The following FILIP1L variants were observed in gnomAD, a reference collection of about 807,000 sequenced individuals.
FILIP1L encodes filamin A-interacting protein 1-like.
FILIP1L carries 55 observed loss-of-function variants against 96.6 expected under a neutral mutation model. That is an observed-to-expected ratio of 0.57 (90% CI 0.46 to 0.71). The LOEUF is 0.71. Among genes scored for constraint, FILIP1L ranks in the 30% least tolerant of loss-of-function variants. The pLI, the probability that FILIP1L is intolerant of heterozygous loss-of-function variation, is 0.00. For synonymous variants in FILIP1L, 467 were observed against 473.9 expected (o/e 0.99, Z 0.19); for missense variants, 1,304 against 1,321.2 (o/e 0.99, Z 0.20).
chr3:100,042,880 A>C (rs746011820), intron 1 of FILIP1L, among the ~76,000 whole-genome samples: 1 of 152,240 alleles, frequency 6.6e-6, no homozygotes, highest in Non-Finnish European at 1.5e-5. Flanking sequence ...AATAGAGCCA[A>C]AGTTCCCAGA....
intron 4 of FILIP1L, among the ~76,000 whole-genome samples, chr3:99,888,516 C>G (rs772353074): frequency 6.6e-6 from 1 of 152,144 alleles, no homozygotes; most frequent in Admixed American, 6.5e-5. Context: ...AAAACAAAAG[C>G]ACCCCTGAAT....
chr3:100,020,718 AACTT>A (rs1037690624), intron 1 of FILIP1L, among the ~76,000 whole-genome samples: 20 of 151,396 alleles, frequency 1.3e-4, no homozygotes, highest in African/African-American at 4.9e-4. Flanking sequence ...TGTTACTATT[AACTT>A]ACTAAGAACT....
At chr3:100,087,998 T>G (rs1376598641) in intron 1 of FILIP1L, among the ~76,000 whole-genome samples, 1 of 151,978 alleles carries the variant, frequency 6.6e-6, no homozygotes, top group African/African-American at 2.4e-5. Context: ...GCCTGGCTAA[T>G]TTTTATATTT....
intron 1 of FILIP1L, among the ~76,000 whole-genome samples, chr3:99,980,113 G>A (rs565326642): frequency 6.6e-6 from 1 of 152,254 alleles, no homozygotes; most frequent in South Asian, 2.1e-4. Context: ...AATTCAGGCA[G>A]TACAGTACGG....
At chr3:100,052,370 G>A (rs1394739360) in intron 1 of FILIP1L, among the ~76,000 whole-genome samples, 4 of 152,178 alleles carry the variant, frequency 2.6e-5, no homozygotes, top group Non-Finnish European at 4.4e-5. Context: ...AAAATTCCAG[G>A]GGGAACTTTT....
intron 1 of FILIP1L, among the ~76,000 whole-genome samples, chr3:100,029,799 G>A (rs566760626): frequency 5.3e-4 from 80 of 152,222 alleles, no homozygotes; most frequent in African/African-American, 1.8e-3. Context: ...CTGTCACTAC[G>A]CTATATAGTG....
chr3:99,880,956 G>A (rs1705706317), intron 4 of FILIP1L, among the ~76,000 whole-genome samples: 2 of 151,970 alleles, frequency 1.3e-5, no homozygotes, highest in Middle Eastern at 3.4e-3. Flanking sequence ...TGGCTTTTCT[G>A]TAGACATTGG....
intron 4 of FILIP1L, among the ~76,000 whole-genome samples, chr3:99,860,305 A>G (rs1316698129): frequency 2.6e-5 from 4 of 152,202 alleles, no homozygotes; most frequent in Non-Finnish European, 5.9e-5. Context: ...TAATCTTACT[A>G]GGCCCCCCAG....
chr3:99,994,751 G>A (rs945622138), intron 1 of FILIP1L, among the ~76,000 whole-genome samples: 3 of 152,130 alleles, frequency 2.0e-5, no homozygotes, highest in African/African-American at 7.2e-5. Flanking sequence ...GAGGCAAAAG[G>A]CACTTCTTAC....
intron 1 of FILIP1L, among the ~76,000 whole-genome samples, chr3:99,958,950 A>G (rs1203325346): frequency 6.6e-6 from 1 of 152,200 alleles, no homozygotes; most frequent in African/African-American, 2.4e-5. Flanking sequence ...AATGAGCTCT[A>G]TACCACTGGA....
intron 1 of FILIP1L, among the ~76,000 whole-genome samples, chr3:100,012,673 G>T (rs2107199474): frequency 2.0e-5 from 3 of 151,736 alleles, no homozygotes; most frequent in Admixed American, 2.0e-4. Context: ...GACATACATG[G>T]TTGCCCCAAT....
At chr3:99,952,969 T>C (rs563364171) in intron 1 of FILIP1L, among the ~76,000 whole-genome samples, 138 of 152,288 alleles carry the variant, frequency 9.1e-4, no homozygotes, top group African/African-American at 3.0e-3. Context: ...CTCTCATTGA[T>C]TTGGTTTTTG....
intron 1 of FILIP1L, chr3:100,011,676 A>G (rs1710161336): frequency 1.3e-5 from 2 of 152,200 alleles, no homozygotes; most frequent in South Asian, 2.1e-4. Context: ...AAGTTCATGT[A>G]TTAAACCAAA....
intron 1 of FILIP1L, among the ~76,000 whole-genome samples, chr3:100,094,547 A>T (rs1009144453): frequency 2.0e-5 from 3 of 151,324 alleles, no homozygotes; most frequent in African/African-American, 7.3e-5. Flanking sequence ...AGAGAATTTT[A>T]TGTTTTACAT....
chr3:99,993,916 G>A (rs1221648725), intron 1 of FILIP1L, among the ~76,000 whole-genome samples: 1 of 152,086 alleles, frequency 6.6e-6, no homozygotes, highest in Non-Finnish European at 1.5e-5. Context: ...GTTAATCAGG[G>A]ATATTGGTTT....
chr3:100,044,371 G>A lies in FILIP1L; in HGVS notation c.-11+69682C>T, dbSNP rs188287693. The stretch of plus-strand genomic sequence containing the variant: ...CATCATAGTATAAAGAAGTAACACA[G>A]GGGTAATCTGTCAAGGGGGGCAGTG... On this transcript the variant is annotated intron_variant, in intron 1 of 5. Coordinates refer to ENST00000477258, the MANE Select transcript of FILIP1L (RefSeq NM_001387850.1). 6.3e-3 allele frequency among the ~76,000 whole-genome samples: 950 copies of A among 150,680 alleles called. 12 individuals are homozygous for A. Among genetic ancestry groups the A allele is most frequent in the African/African-American group, 0.022 (876 of 40,038 alleles).
intron 1 of FILIP1L, among the ~76,000 whole-genome samples, chr3:100,019,555 G>A (rs35669249): frequency 0.051 from 7,777 of 152,050 alleles, 296 homozygotes; most frequent in Non-Finnish European, 0.071. Flanking sequence ...AAGTAAATAC[G>A]TAAAATTGTT....
At chr3:100,111,300 A>G (rs974917670) in intron 1 of FILIP1L, among the ~76,000 whole-genome samples, 1 of 152,160 alleles carries the variant, frequency 6.6e-6, no homozygotes, top group Admixed American at 6.5e-5. Context: ...CAGGGCTATG[A>G]GTACTCATGT....
chr3:99,959,621 T>TA (rs1165061102), intron 1 of FILIP1L, among the ~76,000 whole-genome samples: 1 of 152,222 alleles, frequency 6.6e-6, no homozygotes, highest in Non-Finnish European at 1.5e-5. Context: ...TTGAATTTAG[T>TA]AATCTGTAGA....
Sources: allele counts gnomAD v4.1 joint callset (sites outside exome capture counted in the v4.1 genomes callset), GRCh38; gene constraint gnomAD v4.1.1; transcripts MANE v1.5; gene names NCBI Gene and HGNC (gene_info 2026-07-23, HGNC 2026-07-21).